Variants in EML5 observed in about 807,000 individuals in gnomAD.
EML5 encodes the protein echinoderm microtubule-associated protein-like 5.
Under a neutral mutation model 250.0 loss-of-function variants are expected in EML5, and 120 were observed. The ratio of observed to expected loss-of-function variants is 0.48; its 90% confidence interval spans 0.41 to 0.56. The LOEUF is 0.56. Among genes scored for constraint, EML5 ranks in the 20% least tolerant of loss-of-function variants. The pLI is 0.00. For missense variants in EML5, 2,006 were observed against 2,437.6 expected (o/e 0.82, Z 3.73); for synonymous variants, 771 against 806.5 (o/e 0.96, Z 0.75).
chr14:88,614,417 G>A lies in EML5; in HGVS notation c.*1401C>T, dbSNP rs772703320. ...TTCAATCACTGGTTATGCTTTCTGT[G>A]ATGTAATTTAGTCATTTCTATTTTT... On this transcript the variant is annotated 3_prime_UTR_variant, in exon 44 of 44. Coordinates refer to ENST00000554922, the MANE Select transcript of EML5 (RefSeq NM_183387.3). 1 of 152,136 alleles carries A rather than the reference G, an allele frequency of 6.6e-6. No homozygotes were observed. Among genetic ancestry groups the A allele is most frequent in the Non-Finnish European group, 1.5e-5 (1 of 68,018 alleles). The allele number at this position is 152,136 out of a possible 1,614,324, so 9.4% of individuals were successfully genotyped here.
At chr14:88,639,860 C>T (rs976788402) in intron 31 of EML5, among the ~76,000 whole-genome samples, 4 of 152,140 alleles carry the variant, frequency 2.6e-5, no homozygotes, top group African/African-American at 9.7e-5. Context: ...GGATTACGGG[C>T]ATGAGCCACC....
intron 30 of EML5, among the ~76,000 whole-genome samples, chr14:88,643,523 A>G (rs12586348): frequency 0.23 from 35,203 of 152,138 alleles, 4,293 homozygotes; most frequent in East Asian, 0.38. Context: ...GCAAATTACT[A>G]TGCCATTTTA....
At chr14:88,714,250 A>T (rs8018630) in intron 9 of EML5, among the ~76,000 whole-genome samples, 2 of 151,958 alleles carry the variant, frequency 1.3e-5, no homozygotes, top group African/African-American at 4.8e-5. Context: ...ACTAAGATAC[A>T]GTGGTACTTT....
intron 1 of EML5, among the ~76,000 whole-genome samples, chr14:88,790,626 A>G (rs2094596520): frequency 6.6e-6 from 1 of 152,192 alleles, no homozygotes; most frequent in Non-Finnish European, 1.5e-5. Flanking sequence ...AATCCTTCAC[A>G]TTTACTCCAC....
chr14:88,738,943 A>C lies in EML5; in HGVS notation c.783T>G (p.Leu261=), dbSNP rs1205784373. The C allele has an allele frequency of 6.2e-7, 1 of 1,604,386 alleles. No individual in the cohort carries two copies. Among genetic ancestry groups the C allele is most frequent in the Non-Finnish European group, 8.5e-7 (1 of 1,175,402 alleles). The change falls in exon 6 of 44, where the codon CTT becomes CTG. Residue 261 remains leucine (L), a synonymous_variant. Coordinates refer to ENST00000554922, the MANE Select transcript of EML5 (RefSeq NM_183387.3). The part of the protein sequence containing the change: ...ATGGRDGCIR[L]WDLTFKPITV... The stretch of plus-strand genomic sequence containing the variant: ...TAATTGGTTTAAAAGTTAAATCCCA[A>C]AGACGAATACAACCATCTCTGCCAC...
At chr14:88,705,357 C>T (rs1291458649) in intron 12 of EML5, 125 bp downstream of exon 12, 2 of 771,746 alleles carry the variant, frequency 2.6e-6, no homozygotes, top group Non-Finnish European at 4.3e-6. Context: ...AGTGGGAAAA[C>T]TAATATAGTC....
chr14:88,682,191 A>C (rs1250268849), intron 20 of EML5, among the ~76,000 whole-genome samples, 160 bp from the exon 21 acceptor site: 1 of 152,232 alleles, frequency 6.6e-6, no homozygotes, highest in Non-Finnish European at 1.5e-5. Flanking sequence ...TTTGGGAAAC[A>C]CAATAAAATA....
chr14:88,742,521 A>G (rs1352373878), intron 4 of EML5, among the ~76,000 whole-genome samples: 1 of 152,148 alleles, frequency 6.6e-6, no homozygotes, highest in Non-Finnish European at 1.5e-5. Flanking sequence ...AATATAGTTT[A>G]TTTAGTTTGA....
intron 37 of EML5, 120 bp from the exon 38 acceptor site, chr14:88,621,421 G>C (rs937476489): frequency 4.4e-6 from 5 of 1,148,684 alleles, no homozygotes; most frequent in Admixed American, 1.9e-5. Context: ...AGCTAATCTA[G>C]TAGCAAGGCA....
At position 88,681,894 on chromosome 14, in the gene EML5, TTTCAGC is replaced by T; in HGVS notation, c.3114_3119del (p.Leu1039_Lys1040del). The T allele has an allele frequency of 1.2e-6, 2 of 1,605,850 alleles. No individual in the cohort carries two copies. Among genetic ancestry groups the T allele is most frequent in the Non-Finnish European group, 8.5e-7 (1 of 1,177,130 alleles). On this transcript the variant is annotated inframe_deletion, in exon 21 of 44. Coordinates refer to ENST00000554922, the MANE Select transcript of EML5 (RefSeq NM_183387.3). The stretch of plus-strand genomic sequence containing the variant: ...TCAAGTGTGAGAGCCTCTTACCCTT[TTTCAGC>T]TTCCGGACAGCCAACATACAATGAC...
intron 8 of EML5, among the ~76,000 whole-genome samples, chr14:88,717,169 A>C (rs1424869207): frequency 1.3e-5 from 2 of 152,200 alleles, no homozygotes; most frequent in Non-Finnish European, 2.9e-5. Flanking sequence ...TTTTGTTCTG[A>C]GGAATGAATG....
chr14:88,709,808 C>G (rs569859557), intron 10 of EML5, among the ~76,000 whole-genome samples: 1 of 152,232 alleles, frequency 6.6e-6, no homozygotes, highest in South Asian at 2.1e-4. Flanking sequence ...GCAGCATATA[C>G]TTACAACACA....
Position 88,682,016 on chromosome 14 carries a change from CTCCT to C in EML5, c.2994_2997del (p.Gly999ArgfsTer5). 1 of 1,602,808 alleles carries C rather than the reference CTCCT, an allele frequency of 6.2e-7. No individual in the cohort carries two copies. The highest frequency in any genetic ancestry group is 8.5e-7 in the Non-Finnish European group (1 of 1,176,176). On this transcript the variant is annotated frameshift_variant, in exon 21 of 44. Transcript: ENST00000554922. LOFTEE classifies it high-confidence loss of function. The stretch of plus-strand genomic sequence containing the variant: ...GGGTGTGTAGCTAAACCCCACACCT[CTCCT>C]TCCATGTGTCCCTATAAAGAAAACA...
intron 9 of EML5, among the ~76,000 whole-genome samples, 148 bp downstream of exon 9, chr14:88,714,786 GTATTA>G (rs1208151139): frequency 6.6e-6 from 1 of 151,976 alleles, no homozygotes; most frequent in Non-Finnish European, 1.5e-5. Context: ...ATAATATATT[GTATTA>G]TATTGTAGAA....
intron 21 of EML5, 147 bp from the exon 22 acceptor site, chr14:88,665,636 G>T: frequency 2.0e-6 from 2 of 988,982 alleles, no homozygotes; most frequent in African/African-American, 1.6e-5. Context: ...AGACCAGCCC[G>T]GGCAACATAG....
intron 16 of EML5, 59 bp downstream of exon 16, chr14:88,695,302 T>A: frequency 7.1e-7 from 1 of 1,399,408 alleles, no homozygotes; most frequent in Non-Finnish European, 9.7e-7. Flanking sequence ...ATTAAAAATT[T>A]TTTTAAGTCC....
chr14:88,728,200 C>CT (rs35595817), intron 7 of EML5, among the ~76,000 whole-genome samples: 81,873 of 146,622 alleles, frequency 0.56, 24,971 homozygotes, highest in East Asian at 0.93. Flanking sequence ...CATGTACAGA[C>CT]TTTTTTTTTT....
At chr14:88,761,909 T>TA (rs1216843778) in intron 1 of EML5, among the ~76,000 whole-genome samples, 1 of 152,200 alleles carries the variant, frequency 6.6e-6, no homozygotes, top group Non-Finnish European at 1.5e-5. Flanking sequence ...GATGATATCA[T>TA]ACTGTGGTTT....
chr14:88,696,802 C>T lies in EML5; in HGVS notation c.2344+45G>A, dbSNP rs370644692. 10 of 1,358,654 alleles carry T rather than the reference C, an allele frequency of 7.4e-6. No homozygotes were observed. The South Asian group carries it at 1.1e-4, about 15-fold the overall frequency. The allele number at this position is 1,358,654 out of a possible 1,614,324, so 84.2% of individuals were successfully genotyped here. ...ACTTAGATTAAAATGCTATGTGTTG[C>T]CTCTGCATTTTGTTAATTCTTACTG... On this transcript the variant is annotated intron_variant, in intron 15 of 43. Transcript: ENST00000554922.
Sources: allele counts gnomAD v4.1 joint callset (sites outside exome capture counted in the v4.1 genomes callset), GRCh38; gene constraint gnomAD v4.1.1; transcripts MANE v1.5; gene names NCBI Gene and HGNC (gene_info 2026-07-23, HGNC 2026-07-21).